The following ANKRD26 variants were observed in gnomAD, a reference collection of about 807,000 sequenced individuals.
ANKRD26 encodes ankyrin repeat domain 26, also known as ankyrin repeat domain-containing protein 26.
Under a neutral mutation model 208.7 loss-of-function variants are expected in ANKRD26, and 141 were observed. The observed-to-expected ratio is 0.68, with a 90% confidence interval of 0.59 to 0.78. ANKRD26 has a LOEUF of 0.78. Ranked by LOEUF, ANKRD26 falls within the 30% of genes least tolerant of loss-of-function variation. ANKRD26 has a pLI of 0.00. For missense variants in ANKRD26, 1,889 were observed against 1,938.7 expected, an observed-to-expected ratio of 0.97 and a Z score of 0.48; for synonymous variants, 636 against 660.4, an observed-to-expected ratio of 0.96 and a Z score of 0.57.
At chr10:26,986,487 C>T (rs1456058780) in intron 3 of ANKRD26, among the ~76,000 whole-genome samples, 1 of 152,118 alleles carries the variant, frequency 6.6e-6, no homozygotes, top group East Asian at 1.9e-4. Flanking sequence ...TCAGAGTGAA[C>T]AGGCAACCTA....
chr10:27,043,620 T>C, intron 19 of ANKRD26, 53 bp from the exon 20 acceptor site: 1 of 1,537,578 alleles, frequency 6.5e-7, no homozygotes, highest in African/African-American at 1.4e-5. Flanking sequence ...TTATAGCACA[T>C]ACAGAAGTGG....
chr10:27,027,693 A>T (rs1564367079), intron 27 of ANKRD26, among the ~76,000 whole-genome samples: 1 of 152,212 alleles, frequency 6.6e-6, no homozygotes, highest in Non-Finnish European at 1.5e-5. Context: ...GAATACAATA[A>T]ATATTTTTAT....
At chr10:27,067,690 T>C (rs982250528) in intron 9 of ANKRD26, among the ~76,000 whole-genome samples, 4 of 152,132 alleles carry the variant, frequency 2.6e-5, no homozygotes, top group African/African-American at 4.8e-5. Context: ...ACAGGACCAA[T>C]GGGGATGGTG....
chr10:27,085,618 T>C (rs1047414116), intron 5 of ANKRD26, among the ~76,000 whole-genome samples: 1 of 152,204 alleles, frequency 6.6e-6, no homozygotes, highest in Non-Finnish European at 1.5e-5. Flanking sequence ...GCAGTTCTTA[T>C]TGCCATTTGT....
chr10:27,073,198 G>GA (rs2055569810), intron 9 of ANKRD26, among the ~76,000 whole-genome samples: 1 of 152,214 alleles, frequency 6.6e-6, no homozygotes, highest in Non-Finnish European at 1.5e-5. Flanking sequence ...GCTCAGTGGA[G>GA]AAAATCTAAG....
At position 27,037,271 on chromosome 10, in the gene ANKRD26, G is replaced by A; in HGVS notation, c.2612C>T (p.Ala871Val). ...CAGAATTCCATCTTGTAACATTCTG[G>A]CATTCTGTTCTCGAGAAAGTTGCCT... is the stretch of plus-strand genomic sequence containing the variant. ...AQRQLSREQN[A>V]RMLQDGILTN... Residue 871 changes from alanine to valine, a missense_variant, in exon 23 of 34, where the codon GCC becomes GTC. Ala to Val is a moderately conservative substitution (Grantham distance 64). Coordinates refer to ENST00000376087, the MANE Select transcript of ANKRD26 (RefSeq NM_014915.3). 4 of 1,613,730 alleles carry A rather than the reference G, an allele frequency of 2.5e-6. No homozygotes were observed. Among genetic ancestry groups the A allele is most frequent in the Non-Finnish European group, 3.4e-6 (4 of 1,179,806 alleles).
intron 32 of ANKRD26, among the ~76,000 whole-genome samples, chr10:27,011,851 A>C (rs1458252821): frequency 6.6e-6 from 1 of 152,184 alleles, no homozygotes; most frequent in Non-Finnish European, 1.5e-5. Context: ...TCAATCATTC[A>C]AGTAATGGCA....
chr10:27,093,605 T>C (rs936107998), intron 2 of ANKRD26, 80 bp downstream of exon 2: 6 of 1,596,084 alleles, frequency 3.8e-6, no homozygotes, highest in East Asian at 2.2e-5. Context: ...ATTAGTTATA[T>C]TTTAATGAGA....
chr10:27,091,238 C>A (rs1234495811), intron 4 of ANKRD26, among the ~76,000 whole-genome samples: 2 of 152,040 alleles, frequency 1.3e-5, no homozygotes, highest in African/African-American at 4.8e-5. Context: ...ATTTAGTATC[C>A]CCCTTTTTAT....
At chr10:26,951,013 C>CTTTTCTTTTTTTTTTT in the ANKRD26 span, among the ~76,000 whole-genome samples, 28 of 100,906 alleles carry the variant, frequency 2.8e-4, no homozygotes, top group Middle Eastern at 4.5e-3. Context: ...CTTTTCTTTT[C>CTTTTCTTTTTTTTTTT]TTTTTCTTTT....
chr10:27,093,022 G>A (rs1201565430), intron 3 of ANKRD26, among the ~76,000 whole-genome samples: 4 of 152,112 alleles, frequency 2.6e-5, no homozygotes. Flanking sequence ...GGCAGAGGCA[G>A]AGGTTGCAGT....
intron 23 of ANKRD26, 47 bp from the exon 24 acceptor site, chr10:27,035,799 A>C: frequency 7.7e-7 from 1 of 1,293,606 alleles, no homozygotes; most frequent in Non-Finnish European, 1.1e-6. Context: ...AGAAAATGAC[A>C]GATCATGATT....
chr10:27,093,980 T>C (rs1432067146), intron 1 of ANKRD26, among the ~76,000 whole-genome samples, 181 bp from the exon 2 acceptor site: 1 of 152,202 alleles, frequency 6.6e-6, no homozygotes, highest in Non-Finnish European at 1.5e-5. Flanking sequence ...TCCCTACGTG[T>C]GGTGAGGGGG....
downstream of ANKRD26, among the ~76,000 whole-genome samples, chr10:26,970,140 T>C (rs1041987414): frequency 3.5e-4 from 53 of 152,082 alleles, no homozygotes; most frequent in African/African-American, 1.3e-3. Flanking sequence ...TGTTAGCTGT[T>C]ATTTTGTTTA....
At position 27,079,097 on chromosome 10, in the gene ANKRD26, C is replaced by A; in HGVS notation, c.805G>T (p.Asp269Tyr). The A allele has an allele frequency of 6.2e-7, 1 of 1,612,844 alleles. No homozygotes were observed. Among genetic ancestry groups the A allele is most frequent in the Non-Finnish European group, 8.5e-7 (1 of 1,178,980 alleles). The change falls in exon 7 of 34, where the codon GAT (aspartate) becomes TAT (tyrosine). Residue 269 changes from aspartate (D) to tyrosine (Y), a missense_variant. By Grantham distance (160) the Asp-to-Tyr change is radical. Around this residue, in one of 3 missense-constraint regions of ANKRD26, gnomAD observed 1,272 missense variants for 1,273.8 expected, o/e 1.00. Coordinates refer to ENST00000376087, the MANE Select transcript of ANKRD26 (RefSeq NM_014915.3). ...PTSDDEDLNF[D>Y]TKNVPKPSLA... Reference sequence around the variant, plus strand: ...ATGAGAGAGCACTTTACCTTAGTATCAAAATTGAGGTCTTCGTCATCTGAG... The same window carrying A: ...ATGAGAGAGCACTTTACCTTAGTATAAAAATTGAGGTCTTCGTCATCTGAG...
At chr10:26,959,640 C>T in the ANKRD26 span, among the ~76,000 whole-genome samples, 3 of 148,408 alleles carry the variant, frequency 2.0e-5, no homozygotes, top group African/African-American at 7.6e-5. Flanking sequence ...AATTCGAATG[C>T]ACTTTTTTTT....
intron 16 of ANKRD26, chr10:27,052,033 GT>G (rs1265848191): frequency 8.1e-6 from 8 of 985,236 alleles, no homozygotes; most frequent in Non-Finnish European, 9.6e-6. Flanking sequence ...TCCTTATTCA[GT>G]TCTGGTTCTT....
chr10:27,079,132 G>A lies in ANKRD26; in HGVS notation c.770C>T (p.Ser257Leu), dbSNP rs1423762033. ...GTCTTCGTCATCTGAGGTAGGCCAT[G>A]AATCATCAACACCCGGTTTGCCAGA... ...RLSGKPGVDD[S>L]WPTSDDEDLN... Residue 257 changes from serine to leucine, a missense_variant, in exon 7 of 34, where the codon TCA (serine) becomes TTA (leucine). Physicochemically the swap from Ser to Leu is moderately radical, Grantham distance 145 (BLOSUM62 -2). Around this residue, in one of 3 missense-constraint regions of ANKRD26, gnomAD observed 1,272 missense variants for 1,273.8 expected, o/e 1.00. Coordinates refer to ENST00000376087, the MANE Select transcript of ANKRD26 (RefSeq NM_014915.3). The A allele has an allele frequency of 6.8e-6, 11 of 1,613,748 alleles. No individual in the cohort carries two copies. Among genetic ancestry groups the A allele is most frequent in the African/African-American group, 1.3e-5 (1 of 74,900 alleles).
intron 20 of ANKRD26, among the ~76,000 whole-genome samples, chr10:27,042,444 C>T (rs913440836): frequency 3.2e-4 from 48 of 152,212 alleles, no homozygotes; most frequent in African/African-American, 1.1e-3. Context: ...TGATGAAACC[C>T]CGCCTCTATT....
Sources: allele counts gnomAD v4.1 joint callset (sites outside exome capture counted in the v4.1 genomes callset), GRCh38; gene constraint gnomAD v4.1.1; regional missense constraint gnomAD v4.1.1; transcripts MANE v1.5; gene names NCBI Gene and HGNC (gene_info 2026-07-23, HGNC 2026-07-21).